Variants in CENPT observed in about 807,000 individuals in gnomAD.
CENPT encodes interphase centromere complex protein 22.
In CENPT, 42 loss-of-function variants were observed where a neutral mutation model predicts 59.7. The ratio of observed to expected loss-of-function variants is 0.70; its 90% CI spans 0.55 to 0.91. CENPT has a LOEUF of 0.91. CENPT is among the 40% of genes least tolerant of loss of function. The pLI, the probability that CENPT is intolerant of heterozygous loss-of-function variation, is 0.00. For missense variants in CENPT, 716 were observed against 713.4 expected, an observed-to-expected ratio of 1.00 and a Z score of -0.04; for synonymous variants, 295 against 289.6, an observed-to-expected ratio of 1.02 and a Z score of -0.19.
In CENPT at chr16:67,830,040, T is replaced by C. The variant is rs565447816; in HGVS notation, c.911A>G (p.Asn304Ser). The part of the protein sequence containing the change: ...QFLAGEAEEV[N>S]AFALGFLSTS... ...GCTCAGGAAGCCCAGAGCAAAGGCA[T>C]TGACCTCCTCTGCCTCTCCTGCCAG... The change falls in exon 12 of 16, where the codon AAT (asparagine) becomes AGT (serine). Residue 304 changes from asparagine (N) to serine (S), a missense_variant. Coordinates refer to ENST00000562787, the MANE Select transcript of CENPT (RefSeq NM_025082.4). 16 of 1,614,218 alleles carry C rather than the reference T, an allele frequency of 9.9e-6. No homozygotes were observed. The highest frequency in any genetic ancestry group is 5.5e-5 in the South Asian group (5 of 91,082).
intron 3 of CENPT, 79 bp downstream of exon 3, chr16:67,835,087 TGCCTCG>T (rs1271196414): frequency 6.6e-6 from 1 of 152,158 alleles, no homozygotes; most frequent in African/African-American, 2.4e-5. Flanking sequence ...GTGATCCGCC[TGCCTCG>T]GCCTCCCAAA....
rs1286457680 is a variant in CENPT at position 67,832,516 on chromosome 16, G to A, written c.140C>T (p.Ser47Phe). The A allele has an allele frequency of 6.2e-7, 1 of 1,614,018 alleles. No homozygotes were observed. The highest frequency in any genetic ancestry group is 8.5e-7 in the Non-Finnish European group (1 of 1,180,030). Residue 47 changes from serine (S) to phenylalanine (F), a missense_variant, in exon 5 of 16, where the codon TCC becomes TTC. Transcript: ENST00000562787. The part of the protein sequence containing the change: ...GARRALLETA[S>F]PRKLSGQTRT... ...TGTTTGGCCACTCAACTTCCTGGGG[G>A]AAGCCGTTTCAAGCAGGGCTCTCCG...
chr16:67,842,381 A>C lies in CENPT; in HGVS notation c.-492+5020T>G. The C allele has an allele frequency of 3.6e-6, 1 of 277,338 alleles. No individual in the cohort carries two copies. The highest frequency in any genetic ancestry group is 6.0e-6 in the Non-Finnish European group (1 of 165,740). The allele number at this position is 277,338 out of a possible 1,614,324, so 17.2% of individuals were successfully genotyped here. ...GGCGGCGCGGCGCGGGCCGGCAGGA[A>C]GCGTATTCTGGGCACGGGGCGCCGG... is the stretch of plus-strand genomic sequence containing the variant. On this transcript the variant is annotated intron_variant, in intron 1 of 15. Coordinates refer to ENST00000562787, the MANE Select transcript of CENPT (RefSeq NM_025082.4). This position sits in a 1 kb window ranked among gnomAD's most constrained non-coding sequence, Gnocchi z 4.9.
At chr16:67,844,871 C>T (rs1465939847) in intron 1 of CENPT, among the ~76,000 whole-genome samples, 2 of 151,916 alleles carry the variant, frequency 1.3e-5, no homozygotes, top group Non-Finnish European at 2.9e-5. Flanking sequence ...TCACTGCAAC[C>T]TCTGCCTCCC....
intron 4 of CENPT, among the ~76,000 whole-genome samples, chr16:67,833,404 C>G (rs946800688): frequency 1.1e-4 from 16 of 152,226 alleles, no homozygotes; most frequent in African/African-American, 3.1e-4. Context: ...AGGTGAGATT[C>G]TGAACCCCTA....
In CENPT at chr16:67,842,406, G is replaced by A. The variant is rs1001019773; in HGVS notation, c.-492+4995C>T. 6 of 436,046 alleles carry A rather than the reference G, an allele frequency of 1.4e-5. No homozygotes were observed. Among genetic ancestry groups the A allele is most frequent in the Middle Eastern group, 7.7e-4 (1 of 1,304 alleles). 27.0% of individuals were successfully genotyped at this position (436,046 alleles called of 1,614,324 possible). The stretch of plus-strand genomic sequence containing the variant: ...AGCGTATTCTGGGCACGGGGCGCCG[G>A]GCGGGCCGGCTGCGCCGAGCGGCAG... On this transcript the variant is annotated intron_variant, in intron 1 of 15. Coordinates refer to ENST00000562787, the MANE Select transcript of CENPT (RefSeq NM_025082.4). The surrounding 1 kb of genome is among the most constrained non-coding windows in gnomAD (Gnocchi z 4.9).
chr16:67,830,502 GCCAA>G lies in CENPT; in HGVS notation c.746_749del (p.Val249AlafsTer62). Reference sequence around the variant, plus strand: ...GCAGGGAGTGATACACGTTGGGGGAGCCAACCATGGGCTGAGAGAACGGCTGGGT... The same window carrying G: ...GCAGGGAGTGATACACGTTGGGGGAGCCATGGGCTGAGAGAACGGCTGGGT... On this transcript the variant is annotated frameshift_variant, in exon 11 of 16. Transcript: ENST00000562787. LOFTEE classifies it high-confidence loss of function. 6.2e-7 allele frequency: 1 copy of G among 1,614,092 alleles called. No homozygotes were observed. The highest frequency in any genetic ancestry group is 8.5e-7 in the Non-Finnish European group (1 of 1,179,990).
chr16:67,835,970 G>C (rs554741097), intron 1 of CENPT, among the ~76,000 whole-genome samples: 1 of 151,790 alleles, frequency 6.6e-6, no homozygotes, highest in South Asian at 2.1e-4. Context: ...TGCTGGTCTC[G>C]AACTCCTCAT....
intron 1 of CENPT, among the ~76,000 whole-genome samples, chr16:67,844,671 T>G (rs1003204515): frequency 4.6e-5 from 7 of 152,218 alleles, no homozygotes; most frequent in Admixed American, 2.0e-4. Flanking sequence ...GACTGTTGTA[T>G]AGATACCTTG....
intron 1 of CENPT, among the ~76,000 whole-genome samples, chr16:67,841,363 G>C (rs887633486): frequency 1.3e-5 from 2 of 151,892 alleles, no homozygotes; most frequent in East Asian, 1.9e-4. Context: ...ATTTTCCTAC[G>C]CTTGGCCCTA....
At position 67,831,270 on chromosome 16, in the gene CENPT, C is replaced by A; in HGVS notation, c.649G>T (p.Val217Leu). 6.2e-7 allele frequency: 1 copy of A among 1,614,206 alleles called. No homozygotes were observed. The highest frequency in any genetic ancestry group is 8.5e-7 in the Non-Finnish European group (1 of 1,180,026). Residue 217 changes from valine (V) to leucine (L), a missense_variant, in exon 10 of 16, where the codon GTA (valine) becomes TTA (leucine). Transcript: ENST00000562787. ...TCCCGCAAAAAGGCACCCACGTCTA[C>A]AGCTCGGCGGGCTGGAGGTCTGCGG... ...LARRPPARRAVDVGAFLRDLR... is the reference protein window; with the variant it reads ...LARRPPARRALDVGAFLRDLR...
In CENPT at chr16:67,843,685, G is replaced by A. The variant is rs2057780211; in HGVS notation, c.-492+3716C>T. 4 of 606,542 alleles carry A rather than the reference G, an allele frequency of 6.6e-6. No individual in the cohort carries two copies. Among genetic ancestry groups the A allele is most frequent in the Non-Finnish European group, 1.2e-5 (4 of 343,712 alleles). The allele number at this position is 606,542 out of a possible 1,614,324, so 37.6% of individuals were successfully genotyped here. The stretch of plus-strand genomic sequence containing the variant: ...TCCTGAAGTGGAAGCTGGGGCCTTA[G>A]ACTCTGCCCTGGTGACACCAGCAAT... On this transcript the variant is annotated intron_variant, in intron 1 of 15. Transcript: ENST00000562787. This position sits in a 1 kb window ranked among gnomAD's most constrained non-coding sequence, Gnocchi z 5.7.
chr16:67,831,094 CAG>C, intron 10 of CENPT, 120 bp downstream of exon 10: 2 of 1,296,996 alleles, frequency 1.5e-6, no homozygotes, highest in Non-Finnish European at 2.2e-6. Context: ...ACCCACTGAC[CAG>C]AGTTGCTCGC....
Position 67,842,082 on chromosome 16 carries a change from A to G in CENPT, c.-492+5319T>C, listed in dbSNP as rs2057764877. The G allele has an allele frequency of 2.0e-5, 3 of 152,350 alleles. No homozygotes were observed. Among genetic ancestry groups the G allele is most frequent in the Admixed American group, 6.5e-5 (1 of 15,288 alleles). 9.4% of individuals were successfully genotyped at this position (152,350 alleles called of 1,614,324 possible). A position where few individuals can be genotyped will look rare whatever the true frequency, so the allele number is the denominator to read the frequency against. On this transcript the variant is annotated intron_variant, in intron 1 of 15. Coordinates refer to ENST00000562787, the MANE Select transcript of CENPT (RefSeq NM_025082.4). The surrounding 1 kb of genome is among the most constrained non-coding windows in gnomAD (Gnocchi z 4.9). ...GCGCACCGCCCCGCTCCACGCCCCTATCAGGATTCGGGTCCTCGTGAGGAG... is the reference window on the plus strand; with the variant it reads ...GCGCACCGCCCCGCTCCACGCCCCTGTCAGGATTCGGGTCCTCGTGAGGAG...
intron 13 of CENPT, 187 bp from the exon 14 acceptor site, chr16:67,829,030 G>A (rs1257232626): frequency 5.2e-6 from 3 of 577,798 alleles, no homozygotes; most frequent in Admixed American, 7.2e-5. Context: ...TCTTTCCCTG[G>A]GGCTCTGTCC....
At chr16:67,829,389 G>A (rs750634256) in intron 13 of CENPT, 34 bp downstream of exon 13, 3 of 1,525,274 alleles carry the variant, frequency 2.0e-6, no homozygotes, top group Admixed American at 4.1e-5. Flanking sequence ...CCCTTCCCAA[G>A]AGGCCCATGA....
chr16:67,829,882 T>A lies in CENPT; in HGVS notation c.1069A>T (p.Arg357Trp), dbSNP rs777049827. 6.8e-6 allele frequency: 11 copies of A among 1,614,270 alleles called. No homozygotes were observed. The South Asian group carries it at 1.2e-4, about 18-fold the overall frequency. The change falls in exon 12 of 16, where the codon AGG becomes TGG. Residue 357 changes from arginine (R) to tryptophan (W), a missense_variant. Coordinates refer to ENST00000562787, the MANE Select transcript of CENPT (RefSeq NM_025082.4). ...MEATGAQGPS[R>W]VEEAEGHTEV... ...GTGTGTCCCTCAGCCTCTTCTACCC[T>A]GCTGGGTCCTTGTGCTCCTGTTGCC...
intron 1 of CENPT, among the ~76,000 whole-genome samples, chr16:67,838,972 C>A (rs556203792): frequency 3.9e-5 from 6 of 152,030 alleles, no homozygotes; most frequent in African/African-American, 1.4e-4. Flanking sequence ...TAATATTGGC[C>A]GGGTGCAGTG....
At chr16:67,838,951 A>G (rs1212910694) in intron 1 of CENPT, among the ~76,000 whole-genome samples, 1 of 151,240 alleles carries the variant, frequency 6.6e-6, no homozygotes, top group Non-Finnish European at 1.5e-5. Flanking sequence ...AAAAAAAAAA[A>G]TTTAAGCATG....
Sources: gnomAD v4.1 joint callset for allele counts (sites outside exome capture counted in the v4.1 genomes callset) on GRCh38, gnomAD v4.1.1 for gene constraint, Gnocchi (gnomAD v3.1) non-coding constraint, MANE v1.5 for transcripts, NCBI Gene and HGNC (gene_info 2026-07-23, HGNC 2026-07-21) for gene names.